Variants in LINGO2 observed in about 807,000 individuals in gnomAD.
LINGO2 encodes leucine rich repeat and Ig domain containing 2.
Under a neutral mutation model 30.6 loss-of-function variants are expected in LINGO2, and 14 were observed. The observed-to-expected ratio is 0.46, with a 90% confidence interval of 0.30 to 0.72. The LOEUF (loss-of-function observed/expected upper bound fraction) is 0.72, where lower values mean the gene tolerates loss of function less well. Among genes scored for constraint, LINGO2 ranks in the 30% least tolerant of loss-of-function variants. The pLI, the probability that LINGO2 is intolerant of heterozygous loss-of-function variation, is 0.07. For synonymous variants in LINGO2, 317 were observed against 288.5 expected (o/e 1.10, Z -1.00); for missense variants, 729 against 751.7 (o/e 0.97, Z 0.35).
At chr9:28,620,664 C>A (rs1163432027) in intron 1 of LINGO2, among the ~76,000 whole-genome samples, 2 of 151,888 alleles carry the variant, frequency 1.3e-5, no homozygotes, top group Non-Finnish European at 2.9e-5. Context: ...CTAGGCAATT[C>A]TTAGTTAAAA....
At chr9:29,212,850 C>G in the LINGO2 span, among the ~76,000 whole-genome samples, 1 of 152,192 alleles carries the variant, frequency 6.6e-6, no homozygotes, top group African/African-American at 2.4e-5. Context: ...GACTTAACCC[C>G]CACCCCATCC....
the LINGO2 span, among the ~76,000 whole-genome samples, chr9:28,900,264 C>T: frequency 6.6e-6 from 1 of 152,188 alleles, no homozygotes; most frequent in Non-Finnish European, 1.5e-5. Context: ...TCCATGCCCC[C>T]ACCAGTAAAT....
intron 1 of LINGO2, among the ~76,000 whole-genome samples, chr9:28,667,738 T>C (rs1366754650): frequency 1.3e-5 from 2 of 152,130 alleles, no homozygotes; most frequent in Non-Finnish European, 2.9e-5. Flanking sequence ...AGTGAGCCTC[T>C]GTCAAAACAA....
the LINGO2 span, among the ~76,000 whole-genome samples, chr9:28,824,366 T>A: frequency 6.6e-6 from 1 of 152,162 alleles, no homozygotes; most frequent in Non-Finnish European, 1.5e-5. Context: ...GGCACATGAT[T>A]AGGGCAAATT....
At chr9:28,467,064 T>A (rs1460990881) in intron 2 of LINGO2, among the ~76,000 whole-genome samples, 1 of 151,590 alleles carries the variant, frequency 6.6e-6, no homozygotes, top group Admixed American at 6.6e-5. Flanking sequence ...CTCGCTCTGT[T>A]GCCCTGGCTA....
At chr9:27,996,746 TAGA>T (rs1279336688) in intron 5 of LINGO2, among the ~76,000 whole-genome samples, 1 of 152,196 alleles carries the variant, frequency 6.6e-6, no homozygotes, top group Non-Finnish European at 1.5e-5. Flanking sequence ...TCAAAATAGC[TAGA>T]AGATTTGCAA....
the LINGO2 span, among the ~76,000 whole-genome samples, chr9:28,790,483 C>A: frequency 6.7e-6 from 1 of 149,896 alleles, no homozygotes; most frequent in Non-Finnish European, 1.5e-5. Context: ...CGCCCGCCAC[C>A]ACGCCCGGCT....
chr9:28,862,742 C>T, the LINGO2 span, among the ~76,000 whole-genome samples: 1 of 152,040 alleles, frequency 6.6e-6, no homozygotes, highest in Non-Finnish European at 1.5e-5. Context: ...GTCTTATAGT[C>T]ATACCATTGA....
intron 2 of LINGO2, among the ~76,000 whole-genome samples, chr9:28,444,492 C>T (rs1003364806): frequency 1.1e-4 from 17 of 152,222 alleles, no homozygotes; most frequent in Admixed American, 8.5e-4. Flanking sequence ...TCAACCCATT[C>T]ACCACGCTGC....
At chr9:28,117,723 AC>A (rs1269923950) in intron 4 of LINGO2, among the ~76,000 whole-genome samples, 2 of 143,976 alleles carry the variant, frequency 1.4e-5, no homozygotes, top group Non-Finnish European at 3.0e-5. Context: ...GAACTCCCTG[AC>A]CCCTTGCGCT....
At chr9:28,710,988 T>G in the LINGO2 span, among the ~76,000 whole-genome samples, 1 of 152,020 alleles carries the variant, frequency 6.6e-6, no homozygotes, top group Admixed American at 6.6e-5. Flanking sequence ...TGATGTAGGC[T>G]CTGCAGACAG....
chr9:28,338,538 C>T (rs531788162), intron 3 of LINGO2, among the ~76,000 whole-genome samples: 1 of 152,010 alleles, frequency 6.6e-6, no homozygotes, highest in Non-Finnish European at 1.5e-5. Flanking sequence ...ATGATGTGGT[C>T]TGGCTGTGTC....
upstream of LINGO2, among the ~76,000 whole-genome samples, chr9:28,672,398 CAACTCT>C (rs1385304722): frequency 6.6e-6 from 1 of 152,142 alleles, no homozygotes; most frequent in Non-Finnish European, 1.5e-5. Flanking sequence ...TCACAGCAAA[CAACTCT>C]AACTCTATTG....
At chr9:29,143,894 T>C in the LINGO2 span, among the ~76,000 whole-genome samples, 2 of 152,208 alleles carry the variant, frequency 1.3e-5, no homozygotes, top group African/African-American at 4.8e-5. Context: ...AGGATTTTTA[T>C]AGTTTGGGTT....
rs535294484 is a variant in LINGO2 at position 28,136,741 on chromosome 9, A to G, written c.-86-124336T>C. Among the ~76,000 whole-genome samples, 5 of 152,272 alleles carry G rather than the reference A, an allele frequency of 3.3e-5. No individual in the cohort carries two copies. In the East Asian group the frequency reaches 9.7e-4, roughly 29 times the overall value. On this transcript the variant is annotated intron_variant, in intron 4 of 5. Transcript: ENST00000379992. ...GTAGTGTGGTAAATTTTGTGTGTCA[A>G]CTGGACTGGGCCATGGAGTTCTCAG...
chr9:28,624,979 C>T (rs1467378784), intron 1 of LINGO2, among the ~76,000 whole-genome samples: 1 of 151,876 alleles, frequency 6.6e-6, no homozygotes, highest in Non-Finnish European at 1.5e-5. Flanking sequence ...TTATCCACCC[C>T]AGCTGGTGTC....
the LINGO2 span, among the ~76,000 whole-genome samples, chr9:28,939,930 T>C: frequency 1.3e-5 from 2 of 152,190 alleles, no homozygotes; most frequent in African/African-American, 4.8e-5. Context: ...GTTCTCTTTA[T>C]TACTGGGGCC....
At chr9:28,276,169 A>C (rs554656610) in intron 4 of LINGO2, among the ~76,000 whole-genome samples, 3 of 152,214 alleles carry the variant, frequency 2.0e-5, no homozygotes, top group East Asian at 3.9e-4. Flanking sequence ...GTACGTTTTG[A>C]TTTCTGAGAT....
At chr9:28,743,568 A>C in the LINGO2 span, among the ~76,000 whole-genome samples, 1 of 152,008 alleles carries the variant, frequency 6.6e-6, no homozygotes, top group East Asian at 1.9e-4. Context: ...TTTGCTGGAT[A>C]TAAGATTCTT....
Sources: allele counts gnomAD v4.1 joint callset (sites outside exome capture counted in the v4.1 genomes callset), GRCh38; gene constraint gnomAD v4.1.1; transcripts MANE v1.5; gene names NCBI Gene and HGNC (gene_info 2026-07-23, HGNC 2026-07-21).